The following ABCA5 variants were observed in gnomAD, a reference collection of about 807,000 sequenced individuals.
ABCA5 encodes the protein cholesterol transporter ABCA5.
ABCA5 carries 163 observed loss-of-function variants against 206.0 expected under a neutral mutation model. That is an observed-to-expected ratio of 0.79 (90% confidence interval 0.70 to 0.90). ABCA5 has a LOEUF of 0.90. ABCA5 is among the 40% of genes least tolerant of loss of function. The probability of loss-of-function intolerance (pLI) is 0.00; values close to 1 mark genes in which losing one functional copy is unlikely to be tolerated. For missense variants in ABCA5, 1,859 were observed against 1,912.9 expected (o/e 0.97, Z 0.53); for synonymous variants, 609 against 613.8 (o/e 0.99, Z 0.11).
rs756713249 is a variant in ABCA5 at position 69,304,728 on chromosome 17, A to G, written c.871T>C (p.Phe291Leu). 68 of 1,609,930 alleles carry G rather than the reference A, an allele frequency of 4.2e-5. No individual in the cohort carries two copies. In the South Asian group the frequency reaches 6.7e-4, roughly 16 times the overall value. ...ATCACAATGCTGCTACTTTGAGGAAATAACAAAGAAGCTGTCGCAATGACT... is the reference window on the plus strand; with the variant it reads ...ATCACAATGCTGCTACTTTGAGGAAGTAACAAAGAAGCTGTCGCAATGACT... ...MAVIATASLL[F>L]PQSSSIVIFL... The change falls in exon 7 of 39, where the codon TTT becomes CTT. Residue 291 changes from phenylalanine to leucine, a missense_variant. Transcript: ENST00000392676.
chr17:69,298,020 G>T (rs532019681), intron 9 of ABCA5, among the ~76,000 whole-genome samples: 2 of 151,930 alleles, frequency 1.3e-5, no homozygotes, highest in African/African-American at 2.4e-5. Flanking sequence ...CCTTGTCTCT[G>T]CAAAAAATAC....
intron 36 of ABCA5, 60 bp from the exon 37 acceptor site, chr17:69,250,044 C>A: frequency 1.9e-6 from 2 of 1,068,704 alleles, no homozygotes; most frequent in East Asian, 2.9e-5. Context: ...TGTTCTAAAG[C>A]TAAAGTTCAA....
chr17:69,299,617 T>C (rs1261854701), intron 9 of ABCA5, among the ~76,000 whole-genome samples: 1 of 151,908 alleles, frequency 6.6e-6, no homozygotes, highest in Non-Finnish European at 1.5e-5. Flanking sequence ...CCAAATATTG[T>C]ATGTTCTCAC....
rs768575875 is a variant in ABCA5, at chr17:69,249,979, G to C, written c.4691C>G (p.Ser1564Cys). The change falls in exon 37 of 39, where the codon TCT becomes TGT. Residue 1564 changes from serine to cysteine, a missense_variant. Transcript: ENST00000392676. Reference sequence around the variant, plus strand: ...AGGAATTTTATAAGCCAAAATAGAAGAAAAACTGGAAAAAAAGATAAAATA... The same window carrying C: ...AGGAATTTTATAAGCCAAAATAGAACAAAAACTGGAAAAAAAGATAAAATA... ...FPNASRQESFSSILAYKIPKE... is the reference protein window; with the variant it reads ...FPNASRQESFCSILAYKIPKE... 2 of 1,455,894 alleles carry C rather than the reference G, an allele frequency of 1.4e-6. No individual in the cohort carries two copies. The highest frequency in any genetic ancestry group is 1.8e-6 in the Non-Finnish European group (2 of 1,095,090). 90.2% of individuals were successfully genotyped at this position (1,455,894 alleles called of 1,614,324 possible).
chr17:69,294,638 C>A lies in ABCA5; in HGVS notation c.1495+17G>T, dbSNP rs368877807. On this transcript the variant is annotated intron_variant, in intron 11 of 38. Coordinates refer to ENST00000392676, the MANE Select transcript of ABCA5 (RefSeq NM_172232.4). Reference sequence around the variant, plus strand: ...TACTTTAAATACTATGGCCTGAATACTAGGAAAACTACTTACTTCTCAAAG... The same window carrying A: ...TACTTTAAATACTATGGCCTGAATAATAGGAAAACTACTTACTTCTCAAAG... 1.2e-5 allele frequency: 19 copies of A among 1,589,580 alleles called. No homozygotes were observed. The African/African-American group carries it at 2.6e-4, about 21-fold the overall frequency.
At chr17:69,301,983 A>G (rs1482954687) in intron 8 of ABCA5, among the ~76,000 whole-genome samples, 1 of 152,222 alleles carries the variant, frequency 6.6e-6, no homozygotes, top group Non-Finnish European at 1.5e-5. Context: ...CGGGGACTCA[A>G]TGAACTCTCA....
rs779059294 is a variant in ABCA5 at position 69,299,455 on chromosome 17, T to TACACAC, written c.1267+1678_1267+1683dup. ...CAACAACTGGATAAAGAAAATGTGATACACACACACACACATACACACACA... is the reference window on the plus strand; with the variant it reads ...CAACAACTGGATAAAGAAAATGTGATACACACACACACACACACACATACACACACA... On this transcript the variant is annotated intron_variant, in intron 9 of 38. Transcript: ENST00000392676. 8.9e-3 allele frequency among the ~76,000 whole-genome samples: 557 copies of TACACAC among 62,580 alleles called. 2 individuals are homozygous for TACACAC. Among genetic ancestry groups the TACACAC allele is most frequent in the Non-Finnish European group, 9.4e-3 (237 of 25,084 alleles). The allele number at this position is 62,580 out of a possible 152,430, so 41.1% of individuals were successfully genotyped here.
intron 14 of ABCA5, 113 bp downstream of exon 14, chr17:69,289,064 C>T (rs901919342): frequency 1.5e-5 from 15 of 1,008,744 alleles, no homozygotes; most frequent in Admixed American, 7.1e-5. Flanking sequence ...TAATAACATA[C>T]AGCATTTTAT....
Position 69,277,653 on chromosome 17 carries a change from G to A in ABCA5, c.2582C>T (p.Ser861Leu). The A allele has an allele frequency of 6.2e-7, 1 of 1,609,808 alleles. No individual in the cohort carries two copies. Among genetic ancestry groups the A allele is most frequent in the South Asian group, 1.1e-5 (1 of 90,060 alleles). ...HFFTLKRESKSVRSVLLLLLI... is the reference protein window; with the variant it reads ...HFFTLKRESKLVRSVLLLLLI... Reference sequence around the variant, plus strand: ...TAATTATACTTACACTGATCTCACTGATTTACTTTCACGTTTCAAGGTAAA... The same window carrying A: ...TAATTATACTTACACTGATCTCACTAATTTACTTTCACGTTTCAAGGTAAA... Residue 861 changes from serine (S) to leucine (L), a missense_variant, in exon 19 of 39, where the codon TCA (serine) becomes TTA (leucine). Ser to Leu is a moderately radical substitution (Grantham distance 145, BLOSUM62 -2). Coordinates refer to ENST00000392676, the MANE Select transcript of ABCA5 (RefSeq NM_172232.4).
chr17:69,285,730 T>C (rs561896271), intron 17 of ABCA5, among the ~76,000 whole-genome samples, 168 bp downstream of exon 17: 1 of 152,178 alleles, frequency 6.6e-6, no homozygotes, highest in East Asian at 1.9e-4. Flanking sequence ...TTTTGCTGTG[T>C]TTTTTCTGGC....
At chr17:69,309,190 T>G in intron 4 of ABCA5, 72 bp downstream of exon 4, 1 of 1,267,580 alleles carries the variant, frequency 7.9e-7, no homozygotes, top group Non-Finnish European at 1.1e-6. Flanking sequence ...CTATATAAAA[T>G]TTTGACTATG....
chr17:69,318,099 TAA>T (rs892202532), intron 1 of ABCA5, among the ~76,000 whole-genome samples: 34 of 137,592 alleles, frequency 2.5e-4, no homozygotes, highest in African/African-American at 8.8e-4. Context: ...TACACCTAAA[TAA>T]AGAAAACTCA....
At chr17:69,264,945 C>T in intron 23 of ABCA5, 40 bp from the exon 24 acceptor site, 1 of 1,305,956 alleles carries the variant, frequency 7.7e-7, no homozygotes, top group Non-Finnish European at 1.0e-6. Flanking sequence ...ATTTTAGACA[C>T]TTTAGAAACA....
intron 1 of ABCA5, 118 bp from the exon 2 acceptor site, chr17:69,314,548 C>A: frequency 1.6e-6 from 1 of 607,088 alleles, no homozygotes. Flanking sequence ...AAGCATACTC[C>A]AAGCTGTCTC....
At chr17:69,318,431 A>G (rs934255711) in intron 1 of ABCA5, among the ~76,000 whole-genome samples, 1 of 152,084 alleles carries the variant, frequency 6.6e-6, no homozygotes, top group Admixed American at 6.6e-5. Flanking sequence ...TTTCCAGTAA[A>G]TATATATAAT....
Position 69,250,617 on chromosome 17 carries a change from T to A in ABCA5, c.4540A>T (p.Ile1514Phe). ...AIMVSGQLRC[I>F]GTVQHLKSKF... is the part of the protein sequence containing the mutation. ...CTCTTTAGATGTTGTACTGTTCCGA[T>A]ACATCTGAAGTAATTTTTTAAAAGA... The change falls in exon 36 of 39, where the codon ATC becomes TTC. Residue 1514 changes from isoleucine (I) to phenylalanine (F), a missense_variant. By Grantham distance (21) the Ile-to-Phe change is conservative. Transcript: ENST00000392676. 1 of 1,553,540 alleles carries A rather than the reference T, an allele frequency of 6.4e-7. No homozygotes were observed. The highest frequency in any genetic ancestry group is 8.6e-7 in the Non-Finnish European group (1 of 1,156,196).
Position 69,326,693 on chromosome 17 carries a change from G to A in ABCA5, c.-16+359C>T, listed in dbSNP as rs1157827218. Among the ~76,000 whole-genome samples, 1 of 152,156 alleles carries A rather than the reference G, an allele frequency of 6.6e-6. No individual in the cohort carries two copies. The highest frequency in any genetic ancestry group is 6.5e-5 in the Admixed American group (1 of 15,276). ...TCCCTGAGGTTGCTGAGGGTGGAAC[G>A]ACAGCGTCCAGGCAAAGGCAGTGTC... On this transcript the variant is annotated intron_variant, in intron 1 of 38. Transcript: ENST00000392676. The surrounding 1 kb of genome is among the most constrained non-coding windows in gnomAD (Gnocchi z 4.8).
chr17:69,272,855 T>TTAA (rs1567759795), intron 20 of ABCA5, among the ~76,000 whole-genome samples: 6 of 152,206 alleles, frequency 3.9e-5, no homozygotes, highest in African/African-American at 1.2e-4. Flanking sequence ...TTTATAATCA[T>TTAA]TCCTAGCCAT....
At chr17:69,325,141 C>CAAAA (rs11320196) in intron 1 of ABCA5, among the ~76,000 whole-genome samples, 1 of 118,106 alleles carries the variant, frequency 8.5e-6, no homozygotes, top group African/African-American at 3.2e-5. Flanking sequence ...CTGTCTCTAC[C>CAAAA]AAAAAAAAAA....
Sources: gnomAD v4.1 joint callset for allele counts (sites outside exome capture counted in the v4.1 genomes callset) on GRCh38, gnomAD v4.1.1 for gene constraint, Gnocchi (gnomAD v3.1) non-coding constraint, MANE v1.5 for transcripts, NCBI Gene and HGNC (gene_info 2026-07-23, HGNC 2026-07-21) for gene names.